The following TMTC3 variants were observed in gnomAD, a reference collection of about 807,000 sequenced individuals.
The protein encoded by TMTC3 is transmembrane O-mannosyltransferase targeting cadherins 3, also known as protein O-mannosyl-transferase TMTC3.
In TMTC3, 52 loss-of-function variants were observed where a neutral mutation model predicts 92.2. The ratio of observed to expected loss-of-function variants is 0.56; its 90% CI spans 0.45 to 0.71. The LOEUF is 0.71. Among genes scored for constraint, TMTC3 ranks in the 30% least tolerant of loss-of-function variants. The probability of loss-of-function intolerance (pLI) is 0.00; values close to 1 mark genes in which losing one functional copy is unlikely to be tolerated. For synonymous variants in TMTC3, 339 were observed against 363.3 expected (o/e 0.93, Z 0.76); for missense variants, 896 against 1,057.1 (o/e 0.85, Z 2.11).
intron 7 of TMTC3, among the ~76,000 whole-genome samples, chr12:88,167,103 A>G (rs2471518): frequency 0.78 from 118,193 of 150,848 alleles, 51,243 homozygotes; most frequent in East Asian, 0.96. Flanking sequence ...CCTTTTAATT[A>G]TTGAAGACAG....
At position 88,153,320 on chromosome 12, in the gene TMTC3, A is replaced by G. The variant is rs201970454; in HGVS notation, c.219A>G (p.Leu73=). The part of the protein sequence containing the change: ...EERSHKSYRP[L]TVLTFRLNYL... ...GAAGCCACAAGTCTTACCGTCCCTT[A>G]ACAGTATTGACATTTCGCTTAAATT... is the stretch of plus-strand genomic sequence containing the variant. Residue 73 remains leucine, a synonymous_variant, in exon 3 of 14, where the codon TTA becomes TTG. Coordinates refer to ENST00000266712, the MANE Select transcript of TMTC3 (RefSeq NM_181783.4). The G allele has an allele frequency of 2.5e-6, 4 of 1,612,984 alleles. No individual in the cohort carries two copies. In the African/African-American group the frequency reaches 5.3e-5, roughly 22 times the overall value.
At position 88,154,327 on chromosome 12, in the gene TMTC3, A is replaced by G. The variant is rs768198355; in HGVS notation, c.448A>G (p.Ile150Val). The change falls in exon 4 of 14, where the codon ATC becomes GTC. Residue 150 changes from isoleucine to valine, a missense_variant. Transcript: ENST00000266712. ...VVGRAELLSS[I>V]FFLAAFLSYT... ...TGGAAGAGCAGAACTTTTGTCATCT[A>G]TCTTTTTTCTAGCAGCTTTTTTGTC... The G allele has an allele frequency of 6.8e-6, 11 of 1,608,916 alleles. No individual in the cohort carries two copies. Among genetic ancestry groups the G allele is most frequent in the South Asian group, 3.3e-5 (3 of 90,106 alleles).
At chr12:88,191,477 T>G (rs2041441964) in intron 12 of TMTC3, among the ~76,000 whole-genome samples, 1 of 152,308 alleles carries the variant, frequency 6.6e-6, no homozygotes, top group African/African-American at 2.4e-5. Flanking sequence ...AAGAGTAGTA[T>G]TATAAGAACA....
At chr12:88,158,701 A>G (rs1383207604) in intron 4 of TMTC3, among the ~76,000 whole-genome samples, 1 of 151,950 alleles carries the variant, frequency 6.6e-6, no homozygotes, top group East Asian at 1.9e-4. Context: ...GTTCTTGTTT[A>G]TATTTAGATT....
In TMTC3 at chr12:88,194,920, C is replaced by T; in HGVS notation, c.2016C>T (p.Phe672=). ...NEEPLDANGY[F]NLGMLAMDDK... is the part of the protein sequence containing the mutation. The stretch of plus-strand genomic sequence containing the variant: ...AGCCACTAGATGCTAATGGGTATTT[C>T]AATTTGGGAATGCTTGCCATGGATG... The change falls in exon 14 of 14, where the codon TTC becomes TTT. Residue 672 remains phenylalanine (F), a synonymous_variant. Transcript: ENST00000266712. 1 of 1,613,644 alleles carries T rather than the reference C, an allele frequency of 6.2e-7. No homozygotes were observed. Among genetic ancestry groups the T allele is most frequent in the Non-Finnish European group, 8.5e-7 (1 of 1,179,852 alleles).
chr12:88,195,388 C>T lies in TMTC3; in HGVS notation c.2484C>T (p.Phe828=). 1 of 1,613,762 alleles carries T rather than the reference C, an allele frequency of 6.2e-7. No individual in the cohort carries two copies. The highest frequency in any genetic ancestry group is 1.1e-5 in the South Asian group (1 of 91,062). ...CATCTAGTTTTATAGAGCCAATATTCCCAACCAGTAAGATTTCAAGTGTGG... is the reference window on the plus strand; with the variant it reads ...CATCTAGTTTTATAGAGCCAATATTTCCAACCAGTAAGATTTCAAGTGTGG... ...ISSSSFIEPI[F]PTSKISSVEG... is the part of the protein sequence containing the mutation. The change falls in exon 14 of 14, where the codon TTC becomes TTT. Residue 828 remains phenylalanine (F), a synonymous_variant. Coordinates refer to ENST00000266712, the MANE Select transcript of TMTC3 (RefSeq NM_181783.4).
At position 88,195,374 on chromosome 12, in the gene TMTC3, A is replaced by G; in HGVS notation, c.2470A>G (p.Ile824Val). The G allele has an allele frequency of 1.2e-6, 2 of 1,613,908 alleles. No homozygotes were observed. The highest frequency in any genetic ancestry group is 1.7e-6 in the Non-Finnish European group (2 of 1,179,888). The change falls in exon 14 of 14, where the codon ATA (isoleucine) becomes GTA (valine). Residue 824 changes from isoleucine (I) to valine (V), a missense_variant. Ile to Val is a conservative substitution (Grantham distance 29). Coordinates refer to ENST00000266712, the MANE Select transcript of TMTC3 (RefSeq NM_181783.4). ...VRDKISSSSF[I>V]EPIFPTSKIS... ...GGATAAGATTTCCTCATCTAGTTTTATAGAGCCAATATTCCCAACCAGTAA... is the reference window on the plus strand; with the variant it reads ...GGATAAGATTTCCTCATCTAGTTTTGTAGAGCCAATATTCCCAACCAGTAA...
chr12:88,167,742 G>A (rs1405682417), intron 7 of TMTC3, among the ~76,000 whole-genome samples: 2 of 152,174 alleles, frequency 1.3e-5, no homozygotes, highest in Non-Finnish European at 2.9e-5. Context: ...AACATGTTGA[G>A]TTTGCATTAC....
intron 10 of TMTC3, among the ~76,000 whole-genome samples, chr12:88,176,872 G>A (rs1319416521): frequency 6.6e-6 from 1 of 152,100 alleles, no homozygotes; most frequent in African/African-American, 2.4e-5. Context: ...TGGAATGATG[G>A]GTGCAAAAGC....
intron 7 of TMTC3, 146 bp from the exon 8 acceptor site, chr12:88,172,448 GTAT>G (rs1481310413): frequency 3.0e-6 from 1 of 336,200 alleles, no homozygotes; most frequent in African/African-American, 2.2e-5. Context: ...ATTCTTCACA[GTAT>G]TATTAAAAAT....
chr12:88,157,343 T>C (rs12826334), intron 4 of TMTC3, among the ~76,000 whole-genome samples: 1 of 151,756 alleles, frequency 6.6e-6, no homozygotes, highest in East Asian at 1.9e-4. Context: ...CACTGGCCTG[T>C]GCAAAGGTTT....
At chr12:88,144,872 G>A (rs184682870) in intron 1 of TMTC3, among the ~76,000 whole-genome samples, 9 of 152,228 alleles carry the variant, frequency 5.9e-5, no homozygotes, top group African/African-American at 2.2e-4. Flanking sequence ...AGGAAAATTG[G>A]CAAAACTATT....
chr12:88,166,859 TG>T (rs2041148747), intron 7 of TMTC3, among the ~76,000 whole-genome samples: 1 of 152,204 alleles, frequency 6.6e-6, no homozygotes, highest in South Asian at 2.1e-4. Flanking sequence ...TTTGTTTTCT[TG>T]GCACAGAGAA....
At chr12:88,171,240 T>C (rs1406746876) in intron 7 of TMTC3, among the ~76,000 whole-genome samples, 1 of 152,140 alleles carries the variant, frequency 6.6e-6, no homozygotes, top group Non-Finnish European at 1.5e-5. Context: ...AAAAACCTAT[T>C]AGCATATTTC....
chr12:88,178,346 T>A (rs1203414429), intron 10 of TMTC3, among the ~76,000 whole-genome samples: 1 of 152,174 alleles, frequency 6.6e-6, no homozygotes. Context: ...CTTCCTTACT[T>A]CTTTGCCTTT....
chr12:88,165,377 GA>G (rs2041132195), intron 6 of TMTC3, among the ~76,000 whole-genome samples: 1 of 151,998 alleles, frequency 6.6e-6, no homozygotes, highest in Admixed American at 6.6e-5. Flanking sequence ...GTTATTTTGA[GA>G]ATTCAAGTTC....
At chr12:88,193,954 C>T (rs2041473826) in intron 13 of TMTC3, among the ~76,000 whole-genome samples, 1 of 151,970 alleles carries the variant, frequency 6.6e-6, no homozygotes, top group Non-Finnish European at 1.5e-5. Context: ...CAGGCAGTGG[C>T]TGATGCCTGT....
intron 13 of TMTC3, among the ~76,000 whole-genome samples, chr12:88,193,925 A>G (rs537107364): frequency 1.2e-4 from 19 of 152,156 alleles, no homozygotes; most frequent in African/African-American, 2.9e-4. Context: ...AATTATCTCA[A>G]TGGAGATTTG....
intron 11 of TMTC3, 38 bp from the exon 12 acceptor site, chr12:88,190,413 TGA>T: frequency 1.3e-6 from 2 of 1,588,458 alleles, no homozygotes; most frequent in Non-Finnish European, 1.7e-6. Flanking sequence ...TTTTTGATAC[TGA>T]AATATCAAAT....
Sources: allele counts gnomAD v4.1 joint callset (sites outside exome capture counted in the v4.1 genomes callset), GRCh38; gene constraint gnomAD v4.1.1; transcripts MANE v1.5; gene names NCBI Gene and HGNC (gene_info 2026-07-23, HGNC 2026-07-21).